Variants in SLC25A12 observed in about 807,000 individuals in gnomAD.
SLC25A12 encodes solute carrier family 25 member 12.
SLC25A12 carries 32 observed loss-of-function variants against 83.3 expected under a neutral mutation model. The observed-to-expected ratio is 0.38, with a 90% CI of 0.29 to 0.52. The LOEUF is 0.52. Among genes scored for constraint, SLC25A12 ranks in the 20% least tolerant of loss-of-function variants. The probability of loss-of-function intolerance (pLI) is 0.84; values close to 1 mark genes in which losing one functional copy is unlikely to be tolerated. For missense variants in SLC25A12, 611 were observed against 835.6 expected, an observed-to-expected ratio of 0.73 and a Z score of 3.31; for synonymous variants, 267 against 291.1, an observed-to-expected ratio of 0.92 and a Z score of 0.84.
At chr2:171,807,787 A>G (rs1188799811) in intron 13 of SLC25A12, among the ~76,000 whole-genome samples, 1 of 152,220 alleles carries the variant, frequency 6.6e-6, no homozygotes, top group Non-Finnish European at 1.5e-5. Context: ...ACTCTTCATT[A>G]AAAAAGAAAT....
chr2:171,808,407 G>A (rs181760435), intron 13 of SLC25A12, among the ~76,000 whole-genome samples: 1 of 140,124 alleles, frequency 7.1e-6, no homozygotes, highest in East Asian at 2.0e-4. Flanking sequence ...GTCAATAGCT[G>A]AAATGTAGTT....
chr2:171,886,718 G>A (rs767896533), intron 2 of SLC25A12, among the ~76,000 whole-genome samples: 15 of 151,984 alleles, frequency 9.9e-5, no homozygotes, highest in Admixed American at 6.6e-4. Flanking sequence ...CACCATGTTA[G>A]CCAGGATGGT....
At chr2:171,852,857 T>C (rs1023898339) in intron 4 of SLC25A12, among the ~76,000 whole-genome samples, 1 of 152,214 alleles carries the variant, frequency 6.6e-6, no homozygotes, top group Non-Finnish European at 1.5e-5. Context: ...TTATCATTTC[T>C]CTCATTCTAC....
intron 4 of SLC25A12, among the ~76,000 whole-genome samples, chr2:171,853,935 C>A (rs1455432842): frequency 6.6e-6 from 1 of 152,110 alleles, no homozygotes; most frequent in Non-Finnish European, 1.5e-5. Flanking sequence ...GGTAGAGGGA[C>A]AAAAATTAGA....
chr2:171,804,229 C>T (rs1028807118), intron 13 of SLC25A12, among the ~76,000 whole-genome samples: 1 of 151,774 alleles, frequency 6.6e-6, no homozygotes, highest in African/African-American at 2.4e-5. Flanking sequence ...GTCATGCTTA[C>T]AAAAGGCCAC....
intron 11 of SLC25A12, among the ~76,000 whole-genome samples, chr2:171,813,075 G>A (rs1229595077): frequency 6.6e-6 from 1 of 152,008 alleles, no homozygotes; most frequent in African/African-American, 2.4e-5. Context: ...TGGTGACATA[G>A]ACCCATGTTG....
At position 171,852,201 on chromosome 2, in the gene SLC25A12, C is replaced by T. The variant is rs189843753; in HGVS notation, c.325+3633G>A. ...ACGTTCTGAAATGGATTTCCAAGGC[C>T]TCAATCTAAGTCCTCTCCCCAGAGC... On this transcript the variant is annotated intron_variant, in intron 4 of 17. Coordinates refer to ENST00000422440, the MANE Select transcript of SLC25A12 (RefSeq NM_003705.5). Among the ~76,000 whole-genome samples the T allele has an allele frequency of 1.8e-3, 274 of 152,286 alleles. 4 individuals are homozygous for T. The highest frequency in any genetic ancestry group is 0.014 in the South Asian group (67 of 4,824).
intron 2 of SLC25A12, among the ~76,000 whole-genome samples, chr2:171,883,822 G>A (rs1045381030): frequency 2.2e-4 from 34 of 151,882 alleles, no homozygotes; most frequent in South Asian, 2.1e-4. Flanking sequence ...TTCCTTGGAC[G>A]TGTCACAATC....
intron 2 of SLC25A12, among the ~76,000 whole-genome samples, chr2:171,880,440 G>A (rs537220573): frequency 4.6e-5 from 7 of 151,898 alleles, no homozygotes; most frequent in South Asian, 2.1e-4. Flanking sequence ...GCACCACCAC[G>A]CTAATTTTTG....
intron 3 of SLC25A12, among the ~76,000 whole-genome samples, chr2:171,868,377 G>A (rs1053049944): frequency 4.2e-5 from 6 of 141,952 alleles, no homozygotes; most frequent in South Asian, 2.2e-4. Context: ...GCAGCAGCTC[G>A]ATCTCGGCGC....
chr2:171,818,193 G>A lies in SLC25A12; in HGVS notation c.931-2991C>T, dbSNP rs140085099. Among the ~76,000 whole-genome samples, 26 of 152,190 alleles carry A rather than the reference G, an allele frequency of 1.7e-4. No homozygotes were observed. In the East Asian group the frequency reaches 5.0e-3, roughly 29 times the overall value. On this transcript the variant is annotated intron_variant, in intron 9 of 17. Coordinates refer to ENST00000422440, the MANE Select transcript of SLC25A12 (RefSeq NM_003705.5). ...TCATCCCTATTAATGACTGTGTCCTGAATTTTTAGCATTTAGGCTGAAGGA... is the reference window on the plus strand; with the variant it reads ...TCATCCCTATTAATGACTGTGTCCTAAATTTTTAGCATTTAGGCTGAAGGA...
At position 171,891,701 on chromosome 2, in the gene SLC25A12, C is replaced by T. The variant is rs1478734947; in HGVS notation, c.66+1504G>A. Among the ~76,000 whole-genome samples the T allele has an allele frequency of 2.6e-5, 4 of 152,206 alleles. 1 individual carries two copies. The highest frequency in any genetic ancestry group is 4.4e-5 in the Non-Finnish European group (3 of 68,040). ...TTAACTATATCACATGAACTCTTCA[C>T]AAAACAATTGACTATAATCACATGG... On this transcript the variant is annotated intron_variant, in intron 2 of 17. Transcript: ENST00000422440.
chr2:171,874,952 C>T (rs1007885145), intron 2 of SLC25A12, among the ~76,000 whole-genome samples: 2 of 152,184 alleles, frequency 1.3e-5, no homozygotes, highest in African/African-American at 4.8e-5. Context: ...CTACTCCCTT[C>T]GCAAACCCCC....
chr2:171,872,005 G>A (rs1257292489), intron 2 of SLC25A12, among the ~76,000 whole-genome samples: 1 of 150,626 alleles, frequency 6.6e-6, no homozygotes, highest in Non-Finnish European at 1.5e-5. Context: ...GCCCAATATG[G>A]ACTTTTTTTT....
At chr2:171,850,882 C>T (rs970418061) in intron 4 of SLC25A12, among the ~76,000 whole-genome samples, 4 of 152,342 alleles carry the variant, frequency 2.6e-5, no homozygotes, top group Admixed American at 6.5e-5. Context: ...TGTGCCTAAC[C>T]CATCCCAATT....
chr2:171,892,472 G>A (rs1020266658), intron 2 of SLC25A12, among the ~76,000 whole-genome samples: 4 of 152,068 alleles, frequency 2.6e-5, no homozygotes, highest in Admixed American at 6.5e-5. Flanking sequence ...TGGTCCACCC[G>A]CCTCGGCCTC....
At chr2:171,861,945 A>G (rs1685171923) in intron 3 of SLC25A12, among the ~76,000 whole-genome samples, 1 of 152,208 alleles carries the variant, frequency 6.6e-6, no homozygotes, top group Admixed American at 6.5e-5. Flanking sequence ...ACATGTATTC[A>G]TTTTATAACT....
intron 4 of SLC25A12, 131 bp from the exon 5 acceptor site, chr2:171,844,639 C>A (rs1024191808): frequency 6.1e-6 from 4 of 657,346 alleles, no homozygotes; most frequent in African/African-American, 1.8e-5. Flanking sequence ...AAAATAACTG[C>A]AATTTTTTTG....
chr2:171,857,409 G>A (rs1234050360), intron 3 of SLC25A12, among the ~76,000 whole-genome samples: 3 of 151,856 alleles, frequency 2.0e-5, no homozygotes, highest in African/African-American at 7.3e-5. Context: ...TAGAGGCAGG[G>A]CACAGTAGCT....
Sources: allele counts gnomAD v4.1 joint callset (sites outside exome capture counted in the v4.1 genomes callset), GRCh38; gene constraint gnomAD v4.1.1; transcripts MANE v1.5; gene names NCBI Gene and HGNC (gene_info 2026-07-23, HGNC 2026-07-21).